TXK: variants seen among roughly 807,000 people sequenced by gnomAD.
TXK encodes the protein tyrosine-protein kinase TXK.
In TXK, 60 loss-of-function variants were observed where a neutral mutation model predicts 81.0. That is an observed-to-expected ratio of 0.74 (90% CI 0.60 to 0.92). The LOEUF is 0.92. TXK is among the 40% of genes least tolerant of loss of function. The pLI is 0.00. For synonymous variants in TXK, 203 were observed against 210.7 expected (o/e 0.96, Z 0.32); for missense variants, 581 against 638.3 (o/e 0.91, Z 0.97).
At chr4:48,129,463 G>T (rs995492001) in intron 1 of TXK, among the ~76,000 whole-genome samples, 1 of 152,156 alleles carries the variant, frequency 6.6e-6, no homozygotes, top group African/African-American at 2.4e-5. Flanking sequence ...TGATCAATTT[G>T]AGTGGAAGAG....
chr4:48,112,106 G>T (rs1718651784), intron 4 of TXK, among the ~76,000 whole-genome samples: 1 of 152,196 alleles, frequency 6.6e-6, no homozygotes, highest in African/African-American at 2.4e-5. Flanking sequence ...ATAGTAAGCG[G>T]CAGCATCAGG....
chr4:48,084,511 C>T (rs537129522), intron 10 of TXK, among the ~76,000 whole-genome samples: 3 of 152,184 alleles, frequency 2.0e-5, no homozygotes, highest in Non-Finnish European at 4.4e-5. Context: ...CCCTGAATAA[C>T]TTGTCTCCCA....
chr4:48,114,222 G>T, intron 2 of TXK, 126 bp downstream of exon 2: 1 of 887,590 alleles, frequency 1.1e-6, no homozygotes, highest in Non-Finnish European at 1.8e-6. Context: ...CATTCCACAG[G>T]GAGAAAATGG....
intron 11 of TXK, among the ~76,000 whole-genome samples, chr4:48,079,258 T>C (rs1178538819): frequency 1.3e-5 from 2 of 152,208 alleles, no homozygotes; most frequent in Non-Finnish European, 2.9e-5. Flanking sequence ...ACTTCCTTTG[T>C]AGGACAGACA....
rs758626433 is a variant in TXK, at chr4:48,094,090, C to T, written c.696G>A (p.Gln232=). The T allele has an allele frequency of 2.5e-6, 4 of 1,613,440 alleles. No individual in the cohort carries two copies. The Admixed American group carries it at 5.0e-5, about 20-fold the overall frequency. Residue 232 remains glutamine (Q), a synonymous_variant, in exon 8 of 15, where the codon CAG becomes CAA. Coordinates refer to ENST00000264316, the MANE Select transcript of TXK (RefSeq NM_003328.3). The part of the protein sequence containing the change: ...QSIPELIWYH[Q]HNAAGLMTRL... ...TTCCCCTCTTACCGGCTGCATTGTG[C>T]TGGTGATACCAGATTAACTCAGGGA... is the stretch of plus-strand genomic sequence containing the variant.
chr4:48,084,663 C>T (rs1210575693), intron 10 of TXK, among the ~76,000 whole-genome samples: 1 of 152,136 alleles, frequency 6.6e-6, no homozygotes, highest in Non-Finnish European at 1.5e-5. Context: ...CACCTAGGGA[C>T]CCAAAAACAT....
intron 1 of TXK, among the ~76,000 whole-genome samples, chr4:48,118,613 G>C (rs1478663259): frequency 2.6e-5 from 4 of 152,186 alleles, no homozygotes; most frequent in Non-Finnish European, 4.4e-5. Context: ...CCAGTAGAAA[G>C]TCAGGAGCTG....
chr4:48,072,144 T>C (rs1449617224), intron 13 of TXK, among the ~76,000 whole-genome samples: 2 of 152,036 alleles, frequency 1.3e-5, no homozygotes, highest in Non-Finnish European at 2.9e-5. Flanking sequence ...GCTGGGATTA[T>C]AGGTGCCCAC....
Position 48,086,655 on chromosome 4 carries a change from C to A in TXK, c.785-18G>T. 6.2e-7 allele frequency: 1 copy of A among 1,608,768 alleles called. No homozygotes were observed. Among genetic ancestry groups the A allele is most frequent in the Non-Finnish European group, 8.5e-7 (1 of 1,176,066 alleles). On this transcript the variant is annotated intron_variant, in intron 9 of 14. Transcript: ENST00000264316. ...CCACTTTTCTGAAAAAGTAAAACATCCATGTTACAAGTAGAAAGAAAGACT... is the reference window on the plus strand; with the variant it reads ...CCACTTTTCTGAAAAAGTAAAACATACATGTTACAAGTAGAAAGAAAGACT...
intron 1 of TXK, among the ~76,000 whole-genome samples, chr4:48,120,793 G>T (rs538083316): frequency 6.6e-6 from 1 of 151,750 alleles, no homozygotes; most frequent in African/African-American, 2.4e-5. Context: ...TCCGGCCCTA[G>T]AAATAAGGCT....
At chr4:48,090,957 A>C (rs1051833225) in intron 8 of TXK, among the ~76,000 whole-genome samples, 2 of 152,232 alleles carry the variant, frequency 1.3e-5, no homozygotes, top group Non-Finnish European at 2.9e-5. Flanking sequence ...GAACAAAAAG[A>C]AGCACATATT....
intron 11 of TXK, among the ~76,000 whole-genome samples, chr4:48,078,305 GATAAGC>G (rs2109405518): frequency 6.6e-6 from 1 of 152,254 alleles, no homozygotes; most frequent in African/African-American, 2.4e-5. Flanking sequence ...CCATGGGTGG[GATAAGC>G]ATACTTCCCA....
At chr4:48,084,092 T>TTGTG (rs958582395) in intron 10 of TXK, among the ~76,000 whole-genome samples, 1 of 151,310 alleles carries the variant, frequency 6.6e-6, no homozygotes, top group East Asian at 1.9e-4. Context: ...AATCAGGGAT[T>TTGTG]TGTGTGTGTG....
chr4:48,088,470 A>T (rs1717625481), intron 9 of TXK, among the ~76,000 whole-genome samples: 1 of 152,222 alleles, frequency 6.6e-6, no homozygotes, highest in Non-Finnish European at 1.5e-5. Context: ...TATGTCATGC[A>T]GTGTAGCACT....
chr4:48,070,059 C>T (rs1335629809), intron 14 of TXK, among the ~76,000 whole-genome samples: 2 of 152,116 alleles, frequency 1.3e-5, no homozygotes, highest in East Asian at 1.9e-4. Flanking sequence ...TATGAATAAC[C>T]ACATCACTCT....
chr4:48,083,699 T>C lies in TXK; in HGVS notation c.956+2767A>G, dbSNP rs138199283. ...TCCATAAATGTTTTTAAGCACCAAC[T>C]ACATGCTAGTCATCCTTTTAACACT... On this transcript the variant is annotated intron_variant, in intron 10 of 14. Coordinates refer to ENST00000264316, the MANE Select transcript of TXK (RefSeq NM_003328.3). Among the ~76,000 whole-genome samples, 11 of 152,354 alleles carry C rather than the reference T, an allele frequency of 7.2e-5. No individual in the cohort carries two copies. In the East Asian group the frequency reaches 1.7e-3, roughly 24 times the overall value.
intron 1 of TXK, among the ~76,000 whole-genome samples, chr4:48,114,826 T>TA (rs768447408): frequency 5.9e-5 from 9 of 152,338 alleles, no homozygotes; most frequent in African/African-American, 2.2e-4. Flanking sequence ...AGGCTCTTTT[T>TA]AAAAATTCCA....
rs1350574189 is a variant in TXK at position 48,110,543 on chromosome 4, T to C, written c.441A>G (p.Ile147Met). The change falls in exon 5 of 15, where the codon ATA becomes ATG. Residue 147 changes from isoleucine (I) to methionine (M), a missense_variant. Ile to Met is a conservative substitution (Grantham distance 10). Coordinates refer to ENST00000264316, the MANE Select transcript of TXK (RefSeq NM_003328.3). ...VTENKITNLE[I>M]YEWYHRNITR... ...ATATTTTGGAGAAGACTTACTCATA[T>C]ATTTCTAAATTAGTTATTTTGTTTT... 8.1e-6 allele frequency: 13 copies of C among 1,605,610 alleles called. No individual in the cohort carries two copies. The highest frequency in any genetic ancestry group is 1.1e-5 in the Non-Finnish European group (13 of 1,172,874).
At chr4:48,092,809 G>C in intron 8 of TXK, among the ~76,000 whole-genome samples, 1 of 152,174 alleles carries the variant, frequency 6.6e-6, no homozygotes, top group East Asian at 1.9e-4. Context: ...GAGGGCATGG[G>C]GACAGAAGAG....
Sources: gnomAD v4.1 joint callset for allele counts (sites outside exome capture counted in the v4.1 genomes callset) on GRCh38, gnomAD v4.1.1 for gene constraint, MANE v1.5 for transcripts, NCBI Gene and HGNC (gene_info 2026-07-23, HGNC 2026-07-21) for gene names.